The following UPF3B variants were observed in gnomAD, a reference collection of about 807,000 sequenced individuals.
UPF3B encodes the protein UPF3B regulator of nonsense mediated mRNA decay, also known as regulator of nonsense transcripts 3B.
In UPF3B, 7 loss-of-function variants were observed where a neutral mutation model predicts 40.3. The ratio of observed to expected loss-of-function variants is 0.17; its 90% CI spans 0.10 to 0.33. The LOEUF is 0.33. UPF3B is among the 10% of genes least tolerant of loss of function. The pLI, the probability that UPF3B is intolerant of heterozygous loss-of-function variation, is 1.00. For missense variants in UPF3B, 229 were observed against 358.9 expected (o/e 0.64, Z 2.93); for synonymous variants, 117 against 117.3 (o/e 1.00, Z 0.01).
chrX:119,849,260 G>A (rs1334621191), intron 3 of UPF3B, among the ~76,000 whole-genome samples: 1 of 111,340 alleles, frequency 9.0e-6, no homozygotes. Flanking sequence ...TTGGGAGGCT[G>A]AGGCGGGTGG....
Position 119,834,609 on chromosome X carries a change from C to A in UPF3B, c.*269G>T, listed in dbSNP as rs1187791340. ...AGTCCTCACTTGACAATTCCCCCTG[C>A]AAATTGCAATGCATGTCCTTGCCGT... On this transcript the variant is annotated 3_prime_UTR_variant, in exon 11 of 11. Transcript: ENST00000276201. 15 of 1,019,423 alleles carry A rather than the reference C, an allele frequency of 1.5e-5. No individual in the cohort carries two copies. Among genetic ancestry groups the A allele is most frequent in the Non-Finnish European group, 1.7e-5 (14 of 802,088 alleles). The allele number at this position is 1,019,423 out of a possible 1,213,427, so 84.0% of individuals were successfully genotyped here. A position where few individuals can be genotyped will look rare whatever the true frequency, so the allele number is the denominator to read the frequency against.
At chrX:119,821,091 G>A (rs889463440) in intron 4 of UPF3B, among the ~76,000 whole-genome samples, 1 of 111,369 alleles carries the variant, frequency 9.0e-6, no homozygotes. Flanking sequence ...TCATGGCTTG[G>A]TGCTGTCCTC....
intron 5 of UPF3B, 99 bp downstream of exon 5, chrX:119,843,092 G>A: frequency 3.4e-6 from 2 of 585,796 alleles, no homozygotes; most frequent in South Asian, 2.3e-5. Context: ...AGAGAAACTA[G>A]TAACTTCCCT....
intron 6 of UPF3B, among the ~76,000 whole-genome samples, chrX:119,807,039 A>AG (rs2055797640): frequency 3.0e-5 from 3 of 98,947 alleles, no homozygotes; most frequent in African/African-American, 1.3e-4. Context: ...AAAAAAAAAA[A>AG]AAAAAAAAAA....
At chrX:119,837,548 G>A (rs778952389) in intron 10 of UPF3B, among the ~76,000 whole-genome samples, 6 of 106,028 alleles carry the variant, frequency 5.7e-5, no homozygotes, top group South Asian at 4.4e-4. Context: ...CCCAGGAGGC[G>A]GAGCTTGCAG....
At position 119,842,034 on chromosome X, in the gene UPF3B, T is replaced by C. The variant is rs186590541; in HGVS notation, c.581-256A>G. Among the ~76,000 whole-genome samples, 77 of 112,367 alleles carry C rather than the reference T, an allele frequency of 6.9e-4. 1 individual carries two copies. Among genetic ancestry groups the C allele is most frequent in the African/African-American group, 2.4e-3 (73 of 30,976 alleles). On this transcript the variant is annotated intron_variant, in intron 5 of 10. Transcript: ENST00000276201. ...TATTAAAAGAGTCATTCCCAACTGA[T>C]GAGAATTAAGTACTTAGGACATTCT...
At chrX:119,812,242 G>T (rs1434377535) in intron 5 of UPF3B, among the ~76,000 whole-genome samples, 1 of 107,498 alleles carries the variant, frequency 9.3e-6, no homozygotes, top group African/African-American at 3.5e-5. Flanking sequence ...GACAGAGCAA[G>T]ACTCTGTCTT....
intron 5 of UPF3B, among the ~76,000 whole-genome samples, chrX:119,842,576 T>TCACACACACACACA (rs1491435021): frequency 4.5e-5 from 3 of 66,245 alleles, no homozygotes; most frequent in African/African-American, 2.7e-4. Context: ...CAAGACTCCA[T>TCACACACACACACA]CTCTCACACA....
chrX:119,810,334 G>A (rs1200556962), intron 5 of UPF3B, among the ~76,000 whole-genome samples: 1 of 112,019 alleles, frequency 8.9e-6, no homozygotes, highest in Non-Finnish European at 1.9e-5. Context: ...GTCAAAAACC[G>A]CAATTACTTT....
chrX:119,841,302 C>T, intron 6 of UPF3B, 44 bp from the exon 7 acceptor site: 1 of 1,198,636 alleles, frequency 8.3e-7, no homozygotes, highest in African/African-American at 1.7e-5. Context: ...AAATAATCAT[C>T]ACCAAAACCC....
chrX:119,814,115 T>C (rs1409531629), intron 5 of UPF3B, among the ~76,000 whole-genome samples: 1 of 111,981 alleles, frequency 8.9e-6, no homozygotes, highest in Non-Finnish European at 1.9e-5. Context: ...ACTTCATACT[T>C]GAATGCTGTT....
At chrX:119,823,558 CTTT>C (rs1193140140) in intron 3 of UPF3B, among the ~76,000 whole-genome samples, 1 of 20,062 alleles carries the variant, frequency 5.0e-5, no homozygotes. Flanking sequence ...TTTTTTTCCT[CTTT>C]TTTTTTTTTT....
chrX:119,836,770 C>G (rs2147781634), intron 10 of UPF3B, among the ~76,000 whole-genome samples: 1 of 107,988 alleles, frequency 9.3e-6, no homozygotes, highest in South Asian at 4.1e-4. Flanking sequence ...CCTGCCTCAG[C>G]CTCCCGAGTA....
At chrX:119,827,253 G>C in intron 3 of UPF3B, among the ~76,000 whole-genome samples, 1 of 111,054 alleles carries the variant, frequency 9.0e-6, no homozygotes, top group South Asian at 3.7e-4. Flanking sequence ...TCATTGATGT[G>C]GTTAAATTAC....
At chrX:119,805,675 C>G (rs1268231161) in intron 6 of UPF3B, among the ~76,000 whole-genome samples, 1 of 111,075 alleles carries the variant, frequency 9.0e-6, no homozygotes, top group Non-Finnish European at 1.9e-5. Flanking sequence ...GGGCTAAGGA[C>G]ATGAACAGAC....
At chrX:119,842,611 C>T (rs962900888) in intron 5 of UPF3B, among the ~76,000 whole-genome samples, 2 of 104,823 alleles carry the variant, frequency 1.9e-5, no homozygotes, top group Non-Finnish European at 3.9e-5. Flanking sequence ...CACATACACA[C>T]ACACACACAC....
intron 4 of UPF3B, among the ~76,000 whole-genome samples, chrX:119,844,815 C>T (rs1360710692): frequency 9.0e-6 from 1 of 111,547 alleles, no homozygotes; most frequent in East Asian, 2.8e-4. Flanking sequence ...GTTGGTCAGG[C>T]TGGTATCAAA....
intron 6 of UPF3B, chrX:119,807,369 G>T (rs1344334874): frequency 3.5e-6 from 3 of 859,350 alleles, no homozygotes; most frequent in Non-Finnish European, 4.4e-6. Context: ...GGCACTTCTG[G>T]ATTGCTTAAC....
At chrX:119,835,222 C>A (rs1434221921) in intron 10 of UPF3B, among the ~76,000 whole-genome samples, 195 bp from the exon 11 acceptor site, 2 of 111,830 alleles carry the variant, frequency 1.8e-5, no homozygotes, top group African/African-American at 6.5e-5. Context: ...TTGGTAATTA[C>A]TATTTTATAT....
Sources: allele counts gnomAD v4.1 joint callset (sites outside exome capture counted in the v4.1 genomes callset), GRCh38; gene constraint gnomAD v4.1.1; transcripts MANE v1.5; gene names NCBI Gene and HGNC (gene_info 2026-07-23, HGNC 2026-07-21).